SLC23A2: variants seen among roughly 807,000 people sequenced by gnomAD.
SLC23A2 encodes the protein solute carrier family 23 member 2.
SLC23A2 carries 36 observed loss-of-function variants against 73.3 expected under a neutral mutation model. That is an observed-to-expected ratio of 0.49 (90% CI 0.38 to 0.65). The LOEUF is 0.65. SLC23A2 is among the 30% of genes least tolerant of loss of function. The pLI, the probability that SLC23A2 is intolerant of heterozygous loss-of-function variation, is 0.00. For synonymous variants in SLC23A2, 343 were observed against 327.3 expected (o/e 1.05, Z -0.52); for missense variants, 507 against 841.6 (o/e 0.60, Z 4.92).
intron 2 of SLC23A2, among the ~76,000 whole-genome samples, chr20:4,954,698 C>CAA (rs200579910): frequency 0.075 from 4,149 of 55,008 alleles, 409 homozygotes; most frequent in African/African-American, 0.2. Flanking sequence ...GACTCCATCA[C>CAA]AAAAAAAAAA....
chr20:4,994,152 C>T (rs1019042127), intron 1 of SLC23A2, among the ~76,000 whole-genome samples: 4 of 152,120 alleles, frequency 2.6e-5, no homozygotes, highest in African/African-American at 9.7e-5. Context: ...TACTGTGAAG[C>T]AGGATCACCA....
At position 4,902,105 on chromosome 20, in the gene SLC23A2, G is replaced by C. The variant is rs768822546; in HGVS notation, c.324+337C>G. 2.0e-4 allele frequency among the ~76,000 whole-genome samples: 31 copies of C among 152,164 alleles called. No individual in the cohort carries two copies. The highest frequency in any genetic ancestry group is 4.6e-4 in the Non-Finnish European group (31 of 68,032). On this transcript the variant is annotated intron_variant, in intron 5 of 16. Coordinates refer to ENST00000338244, the MANE Select transcript of SLC23A2 (RefSeq NM_005116.6). The surrounding 1 kb of genome is among the most constrained non-coding windows in gnomAD (Gnocchi z 4.0). Reference sequence around the variant, plus strand: ...CAGCTCACTGCAACCTCAACCTCAAGCGATCCTCCTGCCTCAGCCTCTTGA... The same window carrying C: ...CAGCTCACTGCAACCTCAACCTCAACCGATCCTCCTGCCTCAGCCTCTTGA...
intron 9 of SLC23A2, among the ~76,000 whole-genome samples, chr20:4,882,988 T>C (rs1403441220): frequency 6.6e-6 from 1 of 152,236 alleles, no homozygotes; most frequent in Admixed American, 6.5e-5. Flanking sequence ...CAAAGAGTTC[T>C]GTGACTCTAA....
At chr20:4,912,556 T>G (rs978882150) in intron 4 of SLC23A2, among the ~76,000 whole-genome samples, 1 of 151,634 alleles carries the variant, frequency 6.6e-6, no homozygotes, top group Non-Finnish European at 1.5e-5. Context: ...CACCCAGACC[T>G]GATGCCAGAC....
chr20:4,971,876 G>C (rs1373623918), intron 1 of SLC23A2, among the ~76,000 whole-genome samples: 1 of 151,996 alleles, frequency 6.6e-6, no homozygotes, highest in African/African-American at 2.4e-5. Context: ...CAGGGTCTTT[G>C]ATTTAAAAAA....
upstream of SLC23A2, among the ~76,000 whole-genome samples, chr20:5,003,348 C>T (rs145071375): frequency 0.011 from 1,640 of 152,216 alleles, 31 homozygotes; most frequent in African/African-American, 0.038. Flanking sequence ...CGCGCCACCG[C>T]ACTCCAGCCT....
At chr20:4,926,119 G>A (rs1039958216) in intron 3 of SLC23A2, among the ~76,000 whole-genome samples, 2 of 152,180 alleles carry the variant, frequency 1.3e-5, no homozygotes, top group Middle Eastern at 3.4e-3. Context: ...AGAAGTGGTC[G>A]GTTCTTATGA....
At chr20:4,940,647 C>T (rs187338753) in intron 2 of SLC23A2, among the ~76,000 whole-genome samples, 61 of 152,180 alleles carry the variant, frequency 4.0e-4, no homozygotes, top group Middle Eastern at 3.4e-3. Context: ...AGATGTTTAC[C>T]CTGTTATATA....
intron 5 of SLC23A2, among the ~76,000 whole-genome samples, chr20:4,901,163 C>A: frequency 6.6e-6 from 1 of 152,120 alleles, no homozygotes; most frequent in East Asian, 1.9e-4. Flanking sequence ...CCACTCAGCT[C>A]CTTTTGCTCT....
At chr20:4,975,745 A>T (rs2087634870) in intron 1 of SLC23A2, among the ~76,000 whole-genome samples, 1 of 148,166 alleles carries the variant, frequency 6.7e-6, no homozygotes, top group Non-Finnish European at 1.5e-5. Flanking sequence ...TTTGATCTTG[A>T]TTTCTTTGAT....
chr20:4,900,915 A>C (rs763159752), intron 5 of SLC23A2, among the ~76,000 whole-genome samples: 2 of 152,112 alleles, frequency 1.3e-5, no homozygotes, highest in Non-Finnish European at 2.9e-5. Flanking sequence ...CATGCAGCCC[A>C]TGAAGCCCGA....
rs1457918961 is a variant in SLC23A2, at chr20:4,872,798, A to AG, written c.1102+1137dup. On this transcript the variant is annotated intron_variant, in intron 11 of 16. Coordinates refer to ENST00000338244, the MANE Select transcript of SLC23A2 (RefSeq NM_005116.6). This position sits in a 1 kb window ranked among gnomAD's most constrained non-coding sequence, Gnocchi z 4.4. ...TTGAGACAGTCTTGCTCTGTCTCCC[A>AG]GGCTGAAGTGCAGTGGCGCAATCTC... is the stretch of plus-strand genomic sequence containing the variant. Among the ~76,000 whole-genome samples, 4 of 152,062 alleles carry AG rather than the reference A, an allele frequency of 2.6e-5. No homozygotes were observed. Among genetic ancestry groups the AG allele is most frequent in the Non-Finnish European group, 4.4e-5 (3 of 68,014 alleles).
Position 4,883,924 on chromosome 20 carries a change from G to A in SLC23A2, c.643-101C>T, listed in dbSNP as rs2298174. The A allele has an allele frequency of 4.8e-6, 4 of 841,844 alleles. No homozygotes were observed. The highest frequency in any genetic ancestry group is 5.4e-6 in the Non-Finnish European group (3 of 559,018). 52.1% of individuals were successfully genotyped at this position (841,844 alleles called of 1,614,324 possible). On this transcript the variant is annotated intron_variant, in intron 8 of 16. Coordinates refer to ENST00000338244, the MANE Select transcript of SLC23A2 (RefSeq NM_005116.6). The surrounding 1 kb of genome is among the most constrained non-coding windows in gnomAD (Gnocchi z 4.5). ...AACTGATAATTCTGCAAGGCAATAA[G>A]TTATTACATCATCTAACTTGGGAGA...
chr20:4,890,393 C>T (rs988946459), intron 6 of SLC23A2, among the ~76,000 whole-genome samples: 2 of 152,216 alleles, frequency 1.3e-5, no homozygotes, highest in African/African-American at 4.8e-5. Flanking sequence ...TGGCTCATGC[C>T]TGTAATCCCA....
In SLC23A2 at chr20:4,857,120, T is replaced by C; in HGVS notation, c.1805A>G (p.Asn602Ser). 6.2e-7 allele frequency: 1 copy of C among 1,614,152 alleles called. No homozygotes were observed. Among genetic ancestry groups the C allele is most frequent in the Non-Finnish European group, 8.5e-7 (1 of 1,179,990 alleles). Residue 602 changes from asparagine to serine, a missense_variant, in exon 17 of 17, where the codon AAT becomes AGT. Asn to Ser is a conservative substitution (Grantham distance 46, BLOSUM62 1). Around this residue, in one of 5 missense-constraint regions of SLC23A2, gnomAD observed 168 missense variants for 302.3 expected, o/e 0.56. Coordinates refer to ENST00000338244, the MANE Select transcript of SLC23A2 (RefSeq NM_005116.6). This position sits in a 1 kb window ranked among gnomAD's most constrained non-coding sequence, Gnocchi z 4.0. ...TATAATGTTCATGCCAAATGGCAAA[T>C]TGTACGACTCCATGCCGTCGAGTGA... ...NKSLDGMESY[N>S]LPFGMNIIKK...
chr20:4,876,369 C>G (rs929131917), intron 9 of SLC23A2, among the ~76,000 whole-genome samples: 6 of 152,220 alleles, frequency 3.9e-5, no homozygotes, highest in African/African-American at 1.4e-4. Flanking sequence ...AGGCCCAAAT[C>G]TGGCAACTCA....
intron 2 of SLC23A2, among the ~76,000 whole-genome samples, chr20:4,957,698 C>T (rs1428664424): frequency 6.6e-6 from 1 of 151,600 alleles, no homozygotes; most frequent in African/African-American, 2.4e-5. Flanking sequence ...GTCAGGAGTT[C>T]AAGACCAGCC....
chr20:4,976,225 A>G (rs115367201), intron 1 of SLC23A2, among the ~76,000 whole-genome samples: 2,561 of 151,980 alleles, frequency 0.017, 81 homozygotes, highest in African/African-American at 0.058. Flanking sequence ...GGTTAAGGAT[A>G]TTAACCCTTT....
At chr20:4,904,140 A>T (rs941480333) in intron 4 of SLC23A2, among the ~76,000 whole-genome samples, 2 of 152,068 alleles carry the variant, frequency 1.3e-5, no homozygotes, top group Non-Finnish European at 2.9e-5. Flanking sequence ...GTTTATACAT[A>T]TTTTTTTACC....
Sources: gnomAD v4.1 joint callset for allele counts (sites outside exome capture counted in the v4.1 genomes callset) on GRCh38, gnomAD v4.1.1 for gene constraint, gnomAD v4.1.1 regional missense constraint, Gnocchi (gnomAD v3.1) non-coding constraint, MANE v1.5 for transcripts, NCBI Gene and HGNC (gene_info 2026-07-23, HGNC 2026-07-21) for gene names.